DOK6: variants seen among roughly 807,000 people sequenced by gnomAD.
DOK6 encodes the protein downstream of tyrosine kinase 6.
Under a neutral mutation model 44.0 loss-of-function variants are expected in DOK6, and 22 were observed. The observed-to-expected ratio is 0.50, with a 90% CI of 0.36 to 0.71. The LOEUF is 0.71. DOK6 is among the 30% of genes least tolerant of loss of function. The pLI, the probability that DOK6 is intolerant of heterozygous loss-of-function variation, is 0.00. For missense variants in DOK6, 340 were observed against 416.4 expected, an observed-to-expected ratio of 0.82 and a Z score of 1.60; for synonymous variants, 166 against 145.5, an observed-to-expected ratio of 1.14 and a Z score of -1.01.
chr18:69,604,471 A>G (rs937285900), intron 3 of DOK6, among the ~76,000 whole-genome samples: 2 of 152,230 alleles, frequency 1.3e-5, no homozygotes, highest in African/African-American at 2.4e-5. Context: ...GTTAATATAG[A>G]AGAATGCTTT....
chr18:69,449,708 G>A (rs555038864), intron 1 of DOK6, among the ~76,000 whole-genome samples: 3 of 152,134 alleles, frequency 2.0e-5, no homozygotes, highest in African/African-American at 7.2e-5. Flanking sequence ...CGCAGATGGA[G>A]ATCTGAGAAC....
intron 1 of DOK6, among the ~76,000 whole-genome samples, chr18:69,531,784 A>C (rs1336686650): frequency 6.6e-6 from 1 of 152,148 alleles, no homozygotes; most frequent in Admixed American, 6.6e-5. Context: ...TGAAACATTT[A>C]GATATTCCTT....
At chr18:69,524,016 G>A (rs1295684773) in intron 1 of DOK6, among the ~76,000 whole-genome samples, 1 of 151,988 alleles carries the variant, frequency 6.6e-6, no homozygotes, top group Non-Finnish European at 1.5e-5. Flanking sequence ...TCAGCAATTG[G>A]ATAGTGAAGA....
chr18:69,728,113 C>A (rs1209890503), intron 5 of DOK6, among the ~76,000 whole-genome samples: 1 of 152,202 alleles, frequency 6.6e-6, no homozygotes, highest in Non-Finnish European at 1.5e-5. Flanking sequence ...TTTCCTCGAT[C>A]CTAGATTTCT....
chr18:69,770,175 G>A (rs750801112), intron 7 of DOK6, among the ~76,000 whole-genome samples: 4 of 152,032 alleles, frequency 2.6e-5, no homozygotes, highest in South Asian at 2.1e-4. Context: ...ACAGTTTCAT[G>A]ATATTTAATC....
chr18:69,814,594 C>G (rs888666654), intron 7 of DOK6, among the ~76,000 whole-genome samples: 4 of 152,128 alleles, frequency 2.6e-5, no homozygotes, highest in Non-Finnish European at 5.9e-5. Context: ...AGTTGACTCA[C>G]AGTTCCACAG....
chr18:69,831,532 CT>C (rs1568139206), intron 7 of DOK6, among the ~76,000 whole-genome samples: 1 of 152,160 alleles, frequency 6.6e-6, no homozygotes, highest in Non-Finnish European at 1.5e-5. Context: ...AGCACTGGAT[CT>C]ACATGAAATA....
intron 1 of DOK6, among the ~76,000 whole-genome samples, chr18:69,430,367 C>T (rs764509455): frequency 3.3e-5 from 5 of 152,076 alleles, no homozygotes; most frequent in Non-Finnish European, 7.4e-5. Flanking sequence ...TTTTTACTTT[C>T]GCTTTTTTAT....
intron 1 of DOK6, among the ~76,000 whole-genome samples, chr18:69,423,407 A>G (rs1054528185): frequency 1.3e-5 from 2 of 152,200 alleles, no homozygotes; most frequent in African/African-American, 4.8e-5. Context: ...TTTGGTATTT[A>G]TCTGTGTTAC....
chr18:69,557,382 T>C (rs1982713874), intron 1 of DOK6, among the ~76,000 whole-genome samples: 1 of 152,164 alleles, frequency 6.6e-6, no homozygotes, highest in African/African-American at 2.4e-5. Context: ...ATAACGTAAT[T>C]ACGGCTATGA....
chr18:69,675,486 TTTACA>T (rs1436759507), intron 3 of DOK6, among the ~76,000 whole-genome samples: 1 of 152,216 alleles, frequency 6.6e-6, no homozygotes, highest in Non-Finnish European at 1.5e-5. Flanking sequence ...TGCGTGTGAC[TTTACA>T]TTATTTTTAC....
intron 3 of DOK6, among the ~76,000 whole-genome samples, chr18:69,614,739 T>C (rs1339334722): frequency 6.6e-6 from 1 of 151,962 alleles, no homozygotes; most frequent in East Asian, 1.9e-4. Flanking sequence ...CATAGGTGAA[T>C]GGAGCCTACT....
At chr18:69,408,377 C>T (rs932679562) in intron 1 of DOK6, among the ~76,000 whole-genome samples, 1 of 151,036 alleles carries the variant, frequency 6.6e-6, no homozygotes, top group African/African-American at 2.4e-5. Flanking sequence ...GTCCAGGCCA[C>T]ACTGAATTGA....
chr18:69,468,235 C>T (rs996891918), intron 1 of DOK6, among the ~76,000 whole-genome samples: 2 of 151,998 alleles, frequency 1.3e-5, no homozygotes, highest in African/African-American at 2.4e-5. Context: ...TTTCAGGAAA[C>T]AAATAATGAA....
intron 1 of DOK6, among the ~76,000 whole-genome samples, chr18:69,491,987 G>A (rs1360456191): frequency 6.6e-6 from 1 of 152,176 alleles, no homozygotes; most frequent in Non-Finnish European, 1.5e-5. Context: ...AACTCAGATA[G>A]TTTTATTATG....
intron 3 of DOK6, among the ~76,000 whole-genome samples, chr18:69,630,600 C>T (rs1019552035): frequency 9.2e-5 from 14 of 151,970 alleles, no homozygotes; most frequent in East Asian, 5.8e-4. Context: ...TATAAAAAGT[C>T]GAAACAATAA....
intron 1 of DOK6, among the ~76,000 whole-genome samples, chr18:69,541,597 G>T (rs73970153): frequency 3.2e-4 from 48 of 151,550 alleles, no homozygotes; most frequent in East Asian, 1.4e-3. Context: ...TGCCTTCCAT[G>T]AATATATACT....
chr18:69,774,120 G>GAT (rs1198996015), intron 7 of DOK6, among the ~76,000 whole-genome samples: 1 of 26,510 alleles, frequency 3.8e-5, no homozygotes, highest in Non-Finnish European at 1.9e-4. Context: ...GATTTATATA[G>GAT]ATATATATAT....
chr18:69,472,161 A>G (rs1980131210), intron 1 of DOK6, among the ~76,000 whole-genome samples: 1 of 152,178 alleles, frequency 6.6e-6, no homozygotes, highest in Admixed American at 6.5e-5. Context: ...TCCGATTCTT[A>G]TTTACGAAAA....
Sources: gnomAD v4.1 joint callset for allele counts (sites outside exome capture counted in the v4.1 genomes callset) on GRCh38, gnomAD v4.1.1 for gene constraint, MANE v1.5 for transcripts, NCBI Gene and HGNC (gene_info 2026-07-23, HGNC 2026-07-21) for gene names.